Variants in CNTFR observed in about 807,000 individuals in gnomAD.
CNTFR encodes ciliary neurotrophic factor receptor.
A neutral mutation model predicts 40.4 loss-of-function variants in CNTFR; 12 were observed. The ratio of observed to expected loss-of-function variants is 0.30; its 90% confidence interval spans 0.19 to 0.48. The LOEUF (loss-of-function observed/expected upper bound fraction) is 0.48, where lower values mean the gene tolerates loss of function less well. Ranked by LOEUF, CNTFR falls within the 20% of genes least tolerant of loss-of-function variation. The pLI is 0.99. For synonymous variants in CNTFR, 202 were observed against 209.6 expected, an observed-to-expected ratio of 0.96 and a Z score of 0.31; for missense variants, 414 against 506.8, an observed-to-expected ratio of 0.82 and a Z score of 1.76.
rs754269103 is a variant in CNTFR, at chr9:34,558,031, C to T, written c.320-47G>A. The stretch of plus-strand genomic sequence containing the variant: ...TCAGGGCATTCTTGGAGCTCCCAGT[C>T]CCCTGCACTGTATGGGGACAGGTGG... On this transcript the variant is annotated intron_variant, in intron 4 of 9. Coordinates refer to ENST00000378980, the MANE Select transcript of CNTFR (RefSeq NM_147164.3). The T allele has an allele frequency of 1.5e-5, 20 of 1,363,848 alleles. No homozygotes were observed. The East Asian group carries it at 4.7e-4, about 32-fold the overall frequency. The allele number at this position is 1,363,848 out of a possible 1,614,324, so 84.5% of individuals were successfully genotyped here. A position where few individuals can be genotyped will look rare whatever the true frequency, so the allele number is the denominator to read the frequency against.
At position 34,551,864 on chromosome 9, in the gene CNTFR, C is replaced by T. The variant is rs897929311; in HGVS notation, c.*207G>A. On this transcript the variant is annotated 3_prime_UTR_variant, in exon 10 of 10. Coordinates refer to ENST00000378980, the MANE Select transcript of CNTFR (RefSeq NM_147164.3). ...GGTGGGTTAGCTGCATGGCCCACCT[C>T]CCCTGAGGGAGGAAGGAGGGCCAGC... The T allele has an allele frequency of 1.2e-5, 8 of 674,602 alleles. No individual in the cohort carries two copies. In the Admixed American group the frequency reaches 1.5e-4, roughly 12 times the overall value. 41.8% of individuals were successfully genotyped at this position (674,602 alleles called of 1,614,324 possible).
intron 2 of CNTFR, 70 bp from the exon 3 acceptor site, chr9:34,569,051 C>A: frequency 7.0e-7 from 1 of 1,424,624 alleles, no homozygotes; most frequent in South Asian, 1.2e-5. Flanking sequence ...GGGAGCCCCT[C>A]CTGTTCTCAG....
In CNTFR at chr9:34,557,198, G is replaced by GC. The variant is rs904840046; in HGVS notation, c.604+327_604+328insG. On this transcript the variant is annotated intron_variant, in intron 6 of 9. Transcript: ENST00000378980. The surrounding 1 kb of genome is among the most constrained non-coding windows in gnomAD (Gnocchi z 4.2). ...GTAAGGAAGCCATTAGAGTTGGGGGGGGGTGCGGTGGAGGCTGCAGCTGCA... is the reference window on the plus strand; with the variant it reads ...GTAAGGAAGCCATTAGAGTTGGGGGGCGGGTGCGGTGGAGGCTGCAGCTGCA... Among the ~76,000 whole-genome samples the GC allele has an allele frequency of 6.6e-5, 10 of 151,354 alleles. 1 individual carries two copies. The highest frequency in any genetic ancestry group is 3.3e-4 in the Admixed American group (5 of 15,184).
chr9:34,581,783 A>G (rs894910230), intron 1 of CNTFR, among the ~76,000 whole-genome samples: 2 of 152,236 alleles, frequency 1.3e-5, no homozygotes, highest in African/African-American at 2.4e-5. Context: ...AGAGCTGATC[A>G]GTTCCAGAGT....
chr9:34,570,380 C>T (rs1826537600), intron 2 of CNTFR, among the ~76,000 whole-genome samples: 1 of 152,224 alleles, frequency 6.6e-6, no homozygotes, highest in East Asian at 1.9e-4. Flanking sequence ...AAGGACTCAG[C>T]TAGACCCAGG....
intron 1 of CNTFR, among the ~76,000 whole-genome samples, chr9:34,587,107 C>T (rs1318370644): frequency 1.3e-5 from 2 of 152,210 alleles, no homozygotes; most frequent in African/African-American, 4.8e-5. Context: ...GCCCAGGTCT[C>T]AGCACGCATC....
At chr9:34,580,744 T>TC (rs1827249978) in intron 2 of CNTFR, among the ~76,000 whole-genome samples, 1 of 152,098 alleles carries the variant, frequency 6.6e-6, no homozygotes, top group Admixed American at 6.5e-5. Context: ...GCCTAGCTGC[T>TC]CCTCCAATCA....
rs566181854 is a variant in CNTFR, at chr9:34,585,836, C to T, written c.-112+3719G>A. ...TTCTCAGGCTCCTTGCTCTCCAGGA[C>T]GCCCCAAACCAAGCACACATGGTCC... On this transcript the variant is annotated intron_variant, in intron 1 of 9. Coordinates refer to ENST00000378980, the MANE Select transcript of CNTFR (RefSeq NM_147164.3). Among the ~76,000 whole-genome samples, 46 of 152,022 alleles carry T rather than the reference C, an allele frequency of 3.0e-4. 1 individual carries two copies. Among genetic ancestry groups the T allele is most frequent in the Middle Eastern group, 3.4e-3 (1 of 294 alleles).
chr9:34,551,762 C>A lies in CNTFR; in HGVS notation c.*309G>T. The A allele has an allele frequency of 1.8e-6, 1 of 568,344 alleles. No individual in the cohort carries two copies. The highest frequency in any genetic ancestry group is 3.1e-6 in the Non-Finnish European group (1 of 317,534). The allele number at this position is 568,344 out of a possible 1,614,324, so 35.2% of individuals were successfully genotyped here. On this transcript the variant is annotated 3_prime_UTR_variant, in exon 10 of 10. Transcript: ENST00000378980. ...AATCGGATGTGAGAGGCTCCCCTCA[C>A]GTCCCCCAAGGGCTCCTGGGAGTCG...
chr9:34,558,902 G>T (rs774191706), intron 4 of CNTFR, among the ~76,000 whole-genome samples: 1 of 152,176 alleles, frequency 6.6e-6, no homozygotes, highest in Non-Finnish European at 1.5e-5. Flanking sequence ...AGTCCTTTCT[G>T]CTGTCTAGCC....
chr9:34,572,664 C>A lies in CNTFR; in HGVS notation c.1-3683G>T, dbSNP rs566696458. ...CAAATTCTGGGGCCCCAACTTACTG[C>A]CATTGTCCCACTGTGGCATAAAGAT... On this transcript the variant is annotated intron_variant, in intron 2 of 9. Transcript: ENST00000378980. Among the ~76,000 whole-genome samples the A allele has an allele frequency of 4.6e-5, 7 of 152,304 alleles. No homozygotes were observed. The East Asian group carries it at 1.3e-3, about 29-fold the overall frequency.
intron 2 of CNTFR, among the ~76,000 whole-genome samples, chr9:34,579,600 G>C (rs539173089): frequency 1.3e-5 from 2 of 152,090 alleles, no homozygotes; most frequent in African/African-American, 4.8e-5. Flanking sequence ...GTGATGGAGA[G>C]AGAGAGGGTG....
chr9:34,566,402 C>T (rs1182807570), intron 3 of CNTFR, among the ~76,000 whole-genome samples: 1 of 152,168 alleles, frequency 6.6e-6, no homozygotes, highest in Non-Finnish European at 1.5e-5. Flanking sequence ...GGCGGAAGGG[C>T]GGTGGCTGGG....
chr9:34,568,261 C>T (rs556077167), intron 3 of CNTFR: 5 of 152,434 alleles, frequency 3.3e-5, no homozygotes, highest in East Asian at 1.9e-4. Context: ...CTGTTAACAC[C>T]GCTCCTTGTC....
In CNTFR at chr9:34,557,588, AT is replaced by A. The variant is rs986011555; in HGVS notation, c.541del (p.Ile181Ter). 5 of 1,614,086 alleles carry A rather than the reference AT, an allele frequency of 3.1e-6. No individual in the cohort carries two copies. Among genetic ancestry groups the A allele is most frequent in the Non-Finnish European group, 4.2e-6 (5 of 1,180,042 alleles). The stretch of plus-strand genomic sequence containing the variant: ...GTGGCCCAGGGCATTGCTGACACTT[AT>A]GGAGACCTTGTACTTGATGGTGGAG... ...LFSTIKYKVSISVSNALGHNA... is the reference protein window; with the variant it reads ...LFSTIKYKVSXSVSNALGHNA... On this transcript the variant is annotated frameshift_variant, in exon 6 of 10. Transcript: ENST00000378980. LOFTEE classifies it high-confidence loss of function. This position sits in a 1 kb window ranked among gnomAD's most constrained non-coding sequence, Gnocchi z 4.2.
At position 34,551,967 on chromosome 9, in the gene CNTFR, A is replaced by G; in HGVS notation, c.*104T>C. On this transcript the variant is annotated 3_prime_UTR_variant, in exon 10 of 10. Transcript: ENST00000378980. ...AAATTGTGTCTGAAGAGAATGCAAAAGGTCCTCCTGCCCGTGTGCAAAATA... is the reference window on the plus strand; with the variant it reads ...AAATTGTGTCTGAAGAGAATGCAAAGGGTCCTCCTGCCCGTGTGCAAAATA... 1.3e-6 allele frequency: 1 copy of G among 756,998 alleles called. No individual in the cohort carries two copies. The highest frequency in any genetic ancestry group is 2.4e-6 in the Non-Finnish European group (1 of 422,972). The allele number at this position is 756,998 out of a possible 1,614,324, so 46.9% of individuals were successfully genotyped here. A position where few individuals can be genotyped will look rare whatever the true frequency, so the allele number is the denominator to read the frequency against.
chr9:34,584,326 C>T (rs1439836488), intron 1 of CNTFR, among the ~76,000 whole-genome samples: 1 of 152,216 alleles, frequency 6.6e-6, no homozygotes, highest in East Asian at 1.9e-4. Context: ...CAAAGGCTCT[C>T]TTTCTTGTGC....
At position 34,552,792 on chromosome 9, in the gene CNTFR, AAT is replaced by A; in HGVS notation, c.829_830del (p.Ile277TyrfsTer9). ...ITDAYAGKEYIIQVAAKDNEI... is the reference protein window; with the variant it reads ...ITDAYAGKEYXIQVAAKDNEI... ...CATTGTCCTTGGCTGCCACCTGGAT[AAT>A]GTACTCCTTCCCGGCGTAGGCATCT... On this transcript the variant is annotated frameshift_variant, in exon 8 of 10. Coordinates refer to ENST00000378980, the MANE Select transcript of CNTFR (RefSeq NM_147164.3). LOFTEE classifies it high-confidence loss of function. This position sits in a 1 kb window ranked among gnomAD's most constrained non-coding sequence, Gnocchi z 5.1. 6.2e-7 allele frequency: 1 copy of A among 1,613,732 alleles called. No individual in the cohort carries two copies. Among genetic ancestry groups the A allele is most frequent in the Non-Finnish European group, 8.5e-7 (1 of 1,179,896 alleles).
rs1227220976 is a variant in CNTFR at position 34,589,365 on chromosome 9, G to C, written c.-112+190C>G. Among the ~76,000 whole-genome samples the C allele has an allele frequency of 6.6e-6, 1 of 152,020 alleles. No individual in the cohort carries two copies. The highest frequency in any genetic ancestry group is 6.5e-5 in the Admixed American group (1 of 15,268). ...CCCAACCCCCGGAGCGCCCGGACGT[G>C]GGGGGCCGCTCCTCCAGCGCCCCCG... is the stretch of plus-strand genomic sequence containing the variant. On this transcript the variant is annotated intron_variant, in intron 1 of 9. Transcript: ENST00000378980. This position sits in a 1 kb window ranked among gnomAD's most constrained non-coding sequence, Gnocchi z 4.4.
Sources: allele counts gnomAD v4.1 joint callset (sites outside exome capture counted in the v4.1 genomes callset), GRCh38; gene constraint gnomAD v4.1.1; non-coding constraint Gnocchi (gnomAD v3.1); transcripts MANE v1.5; gene names NCBI Gene and HGNC (gene_info 2026-07-23, HGNC 2026-07-21).